The following GLG1 variants were observed in gnomAD, a reference collection of about 807,000 sequenced individuals.
The protein encoded by GLG1 is golgi glycoprotein 1, also known as Golgi apparatus protein 1.
In GLG1, 38 loss-of-function variants were observed where a neutral mutation model predicts 160.5. The observed-to-expected ratio is 0.24, with a 90% CI of 0.18 to 0.31. GLG1 has a LOEUF of 0.31. GLG1 is among the 10% of genes least tolerant of loss of function. GLG1 has a pLI of 1.00. For synonymous variants in GLG1, 644 were observed against 543.4 expected, an observed-to-expected ratio of 1.19 and a Z score of -2.57; for missense variants, 1,373 against 1,505.2, an observed-to-expected ratio of 0.91 and a Z score of 1.45.
chr16:74,564,222 G>A (rs1334777112), intron 1 of GLG1, among the ~76,000 whole-genome samples: 1 of 152,194 alleles, frequency 6.6e-6, no homozygotes, highest in Non-Finnish European at 1.5e-5. Context: ...ACCAGGCCTT[G>A]CTGACACCTC....
At chr16:74,540,804 G>C (rs2017840946) in intron 1 of GLG1, among the ~76,000 whole-genome samples, 1 of 151,976 alleles carries the variant, frequency 6.6e-6, no homozygotes, top group Non-Finnish European at 1.5e-5. Context: ...GAAGAACCTT[G>C]GACAGGTTTA....
intron 3 of GLG1, among the ~76,000 whole-genome samples, chr16:74,506,108 A>G (rs1407515669): frequency 2.1e-5 from 3 of 143,138 alleles, no homozygotes; most frequent in African/African-American, 7.6e-5. Flanking sequence ...TTTTTGCCGA[A>G]CAAAACAGAC....
At chr16:74,557,562 A>G (rs1248263740) in intron 1 of GLG1, among the ~76,000 whole-genome samples, 1 of 152,212 alleles carries the variant, frequency 6.6e-6, no homozygotes, top group Non-Finnish European at 1.5e-5. Context: ...ATACTAGTCC[A>G]GACGCAGAAG....
At chr16:74,462,005 G>T (rs1400291186) in intron 22 of GLG1, 89 bp downstream of exon 22, 1 of 706,862 alleles carries the variant, frequency 1.4e-6, no homozygotes, top group East Asian at 2.5e-5. Context: ...ATCATTCACG[G>T]CTGAAGGGAG....
intron 6 of GLG1, 92 bp downstream of exon 6, chr16:74,494,668 G>A: frequency 1.7e-6 from 1 of 603,342 alleles, no homozygotes; most frequent in Non-Finnish European, 3.1e-6. Flanking sequence ...GCCTCCCAAA[G>A]TGCTGGGATT....
intron 1 of GLG1, among the ~76,000 whole-genome samples, chr16:74,570,194 C>T (rs1012677283): frequency 3.3e-5 from 5 of 152,048 alleles, no homozygotes; most frequent in Non-Finnish European, 7.4e-5. Context: ...TCTACATCAC[C>T]TATTTCCTTC....
In GLG1 at chr16:74,607,069, C is replaced by T. The variant is rs1448479743; in HGVS notation, c.26G>A (p.Arg9Lys). 5.7e-6 allele frequency: 9 copies of T among 1,578,456 alleles called. No homozygotes were observed. Among genetic ancestry groups the T allele is most frequent in the Middle Eastern group, 1.7e-4 (1 of 6,042 alleles). MAACGRVR[R>K]MFRLSAALHL... ...CAGCGCCGCCGACAAGCGGAACATC[C>T]TCCGTACACGTCCACACGCCGCCAT... Residue 9 changes from arginine (R) to lysine (K), a missense_variant, in exon 1 of 26, where the codon AGG (arginine) becomes AAG (lysine). By Grantham distance (26) the Arg-to-Lys change is conservative (BLOSUM62 2). Around this residue, in one of 4 missense-constraint regions of GLG1, gnomAD observed 322 missense variants for 254.6 expected, o/e 1.26. Coordinates refer to ENST00000422840, the MANE Select transcript of GLG1 (RefSeq NM_001145667.2).
chr16:74,472,623 T>G (rs917072156), intron 13 of GLG1: 3 of 1,409,692 alleles, frequency 2.1e-6, no homozygotes, highest in Non-Finnish European at 1.9e-6. Flanking sequence ...TAAAGACATA[T>G]TCCCTTTCGG....
chr16:74,540,689 C>A (rs1342409168), intron 1 of GLG1, among the ~76,000 whole-genome samples: 25 of 151,532 alleles, frequency 1.6e-4, no homozygotes, highest in Non-Finnish European at 2.9e-4. Flanking sequence ...ATCTAGAATA[C>A]AGTTTGGTGC....
chr16:74,485,979 G>A, intron 8 of GLG1, 62 bp from the exon 9 acceptor site: 2 of 1,324,978 alleles, frequency 1.5e-6, no homozygotes, highest in Admixed American at 3.7e-5. Flanking sequence ...TAAGAGCAGT[G>A]TCTTCATACA....
intron 4 of GLG1, among the ~76,000 whole-genome samples, chr16:74,498,475 TA>T (rs1329317773): frequency 6.4e-5 from 6 of 93,676 alleles, no homozygotes; most frequent in Non-Finnish European, 1.3e-4. Flanking sequence ...TATTATATTT[TA>T]TATATATATT....
intron 16 of GLG1, chr16:74,469,322 C>T (rs76418083): frequency 0.14 from 73,521 of 509,064 alleles, 6,333 homozygotes; most frequent in Admixed American, 0.26. Context: ...ATGTGTGCAA[C>T]GACAGTTCAA....
At chr16:74,508,657 TAAGCGTAGGTGGACATTAAC>T (rs1043757288) in intron 3 of GLG1, among the ~76,000 whole-genome samples, 162 bp downstream of exon 3, 24 of 152,130 alleles carry the variant, frequency 1.6e-4, no homozygotes, top group African/African-American at 5.8e-4. Context: ...TATCCTAATG[TAAGCGTAGGTGGACATTAAC>T]AAAAAGAGTC....
intron 1 of GLG1, among the ~76,000 whole-genome samples, chr16:74,602,282 G>A (rs1445660309): frequency 6.6e-6 from 1 of 152,044 alleles, no homozygotes; most frequent in African/African-American, 2.4e-5. Flanking sequence ...ATCAAGAAAA[G>A]GTGGCAAGAA....
intron 4 of GLG1, 48 bp downstream of exon 4, chr16:74,503,483 C>G: frequency 7.9e-7 from 1 of 1,265,320 alleles, no homozygotes; most frequent in Non-Finnish European, 1.2e-6. Context: ...GCTTTTCATA[C>G]ACCAAATTTT....
At chr16:74,461,211 A>C (rs1328539086) in intron 22 of GLG1, among the ~76,000 whole-genome samples, 1 of 145,558 alleles carries the variant, frequency 6.9e-6, no homozygotes, top group Non-Finnish European at 1.5e-5. Flanking sequence ...TCTGTCGCCC[A>C]GGCTGGAGTG....
At chr16:74,604,808 T>A (rs1439311117) in intron 1 of GLG1, among the ~76,000 whole-genome samples, 1 of 152,180 alleles carries the variant, frequency 6.6e-6, no homozygotes, top group Non-Finnish European at 1.5e-5. Flanking sequence ...CTCAGCACTT[T>A]GGGAGCCCGA....
At position 74,452,975 on chromosome 16, in the gene GLG1, G is replaced by A. The variant is rs2014384668; in HGVS notation, c.*192C>T. On this transcript the variant is annotated 3_prime_UTR_variant, in exon 26 of 26. Coordinates refer to ENST00000422840, the MANE Select transcript of GLG1 (RefSeq NM_001145667.2). ...ACCCCAGCGACCAGCTGCTGCTGCTGCACGGTGAGGAGGAGGAGGACACCA... is the reference window on the plus strand; with the variant it reads ...ACCCCAGCGACCAGCTGCTGCTGCTACACGGTGAGGAGGAGGAGGACACCA... The A allele has an allele frequency of 7.7e-7, 1 of 1,299,920 alleles. No homozygotes were observed. Among genetic ancestry groups the A allele is most frequent in the Non-Finnish European group, 9.8e-7 (1 of 1,024,880 alleles). The allele number at this position is 1,299,920 out of a possible 1,614,324, so 80.5% of individuals were successfully genotyped here. A position where few individuals can be genotyped will look rare whatever the true frequency, so the allele number is the denominator to read the frequency against.
intron 1 of GLG1, among the ~76,000 whole-genome samples, chr16:74,590,057 T>G (rs1307310566): frequency 1.3e-5 from 2 of 152,008 alleles, no homozygotes; most frequent in Admixed American, 6.6e-5. Context: ...CTGGATGGAG[T>G]GCAGTGACAC....
Sources: allele counts gnomAD v4.1 joint callset (sites outside exome capture counted in the v4.1 genomes callset), GRCh38; gene constraint gnomAD v4.1.1; regional missense constraint gnomAD v4.1.1; transcripts MANE v1.5; gene names NCBI Gene and HGNC (gene_info 2026-07-23, HGNC 2026-07-21).